Variants in CYP2J2 observed in about 807,000 individuals in gnomAD.
CYP2J2 encodes the protein cytochrome P450 2J2.
A neutral mutation model predicts 48.8 loss-of-function variants in CYP2J2; 41 were observed. The ratio of observed to expected loss-of-function variants is 0.84; its 90% confidence interval spans 0.66 to 1.09. The LOEUF (loss-of-function observed/expected upper bound fraction) is 1.09. Ranked by LOEUF, CYP2J2 falls within the 50% of genes least tolerant of loss-of-function variation. The pLI, the probability that CYP2J2 is intolerant of heterozygous loss-of-function variation, is 0.00. For synonymous variants in CYP2J2, 221 were observed against 227.1 expected (o/e 0.97, Z 0.24); for missense variants, 644 against 617.3 (o/e 1.04, Z -0.46).
chr1:59,919,692 C>G (rs1644497108), intron 1 of CYP2J2, among the ~76,000 whole-genome samples: 2 of 152,206 alleles, frequency 1.3e-5, no homozygotes, highest in Non-Finnish European at 2.9e-5. Flanking sequence ...GACCTGATCT[C>G]TAGTAAACAC....
chr1:59,935,513 C>T, the CYP2J2 span, among the ~76,000 whole-genome samples: 1 of 152,056 alleles, frequency 6.6e-6, no homozygotes, highest in African/African-American at 2.4e-5. Flanking sequence ...TCACATTGTT[C>T]ACCTTGAATA....
At chr1:59,968,988 G>C in the CYP2J2 span, among the ~76,000 whole-genome samples, 2 of 152,186 alleles carry the variant, frequency 1.3e-5, no homozygotes, top group Non-Finnish European at 2.9e-5. Flanking sequence ...TGAAGCTGCA[G>C]ACTTTCGCCG....
chr1:59,922,115 T>A (rs1574261813), intron 1 of CYP2J2, among the ~76,000 whole-genome samples: 1 of 152,204 alleles, frequency 6.6e-6, no homozygotes. Context: ...CTTTTATTTC[T>A]CGACCTGCCG....
chr1:59,926,203 G>A (rs574140439), intron 1 of CYP2J2, among the ~76,000 whole-genome samples: 10 of 152,238 alleles, frequency 6.6e-5, no homozygotes, highest in Admixed American at 1.3e-4. Flanking sequence ...GGGAAATGAA[G>A]TTTCTCAGAA....
the CYP2J2 span, among the ~76,000 whole-genome samples, chr1:59,945,501 G>A: frequency 6.6e-6 from 1 of 151,584 alleles, no homozygotes; most frequent in Non-Finnish European, 1.5e-5. Context: ...ACTATTTGGG[G>A]CCTCCATGGG....
At chr1:59,965,551 C>G in the CYP2J2 span, among the ~76,000 whole-genome samples, 1 of 152,216 alleles carries the variant, frequency 6.6e-6, no homozygotes, top group African/African-American at 2.4e-5. Flanking sequence ...TACCCCTTTC[C>G]TGCACTTGCT....
chr1:59,916,559 C>A (rs542308527), intron 1 of CYP2J2, among the ~76,000 whole-genome samples: 2 of 152,110 alleles, frequency 1.3e-5, no homozygotes, highest in Non-Finnish European at 2.9e-5. Context: ...CATAGTGAGA[C>A]CCTGTCTTTA....
At chr1:59,950,950 C>T in the CYP2J2 span, among the ~76,000 whole-genome samples, 115 of 151,892 alleles carry the variant, frequency 7.6e-4, 3 homozygotes, top group East Asian at 0.02. Flanking sequence ...AGGCCTGAGC[C>T]TGGACCAGCA....
rs1644417774 is a variant in CYP2J2, at chr1:59,911,745, T to C, written c.547A>G (p.Lys183Glu). The change falls in exon 4 of 9, where the codon AAG (lysine) becomes GAG (glutamate). Residue 183 changes from lysine (K) to glutamate (E), a missense_variant. By Grantham distance (56) the Lys-to-Glu change is moderately conservative (BLOSUM62 1). Coordinates refer to ENST00000371204, the MANE Select transcript of CYP2J2 (RefSeq NM_000775.4). The stretch of plus-strand genomic sequence containing the variant: ...ATATTGGAAACTGCATTGTTGATCT[T>C]GAAATGAGGGTCAAAAGGCTGTCCT... ...ENGQPFDPHF[K>E]INNAVSNIIC... The C allele has an allele frequency of 1.9e-6, 3 of 1,613,188 alleles. No individual in the cohort carries two copies. The highest frequency in any genetic ancestry group is 1.7e-5 in the Admixed American group (1 of 59,930).
In CYP2J2 at chr1:59,904,984, G is replaced by C. The variant is rs752733359; in HGVS notation, c.1078C>G (p.Pro360Ala). 3 of 1,613,850 alleles carry C rather than the reference G, an allele frequency of 1.9e-6. No individual in the cohort carries two copies. In the Admixed American group the frequency reaches 5.0e-5, roughly 27 times the overall value. Reference protein sequence around the residue: ...QPSTAARESMPYTNAVIHEVQ... With the variant: ...QPSTAARESMAYTNAVIHEVQ... ...TCATGGATGACAGCATTGGTGTAGGGCATGGACTCCCGGGCGGCTGTGCTC... is the reference window on the plus strand; with the variant it reads ...TCATGGATGACAGCATTGGTGTAGGCCATGGACTCCCGGGCGGCTGTGCTC... The change falls in exon 7 of 9, where the codon CCC becomes GCC. Residue 360 changes from proline (P) to alanine (A), a missense_variant. Coordinates refer to ENST00000371204, the MANE Select transcript of CYP2J2 (RefSeq NM_000775.4).
the CYP2J2 span, among the ~76,000 whole-genome samples, chr1:59,939,268 TA>T: frequency 3.9e-5 from 6 of 152,324 alleles, no homozygotes; most frequent in Non-Finnish European, 5.9e-5. Context: ...TTAGATGTTG[TA>T]ATTGTAGCTG....
chr1:59,961,538 T>C, the CYP2J2 span, among the ~76,000 whole-genome samples: 17 of 152,270 alleles, frequency 1.1e-4, no homozygotes, highest in African/African-American at 4.1e-4. Flanking sequence ...TGAAAAATGG[T>C]GAAGCCATTT....
At chr1:59,964,211 G>A in the CYP2J2 span, among the ~76,000 whole-genome samples, 1 of 152,298 alleles carries the variant, frequency 6.6e-6, no homozygotes, top group Non-Finnish European at 1.5e-5. Flanking sequence ...AATTTGGATA[G>A]AGAATAGGGT....
intron 8 of CYP2J2, among the ~76,000 whole-genome samples, chr1:59,896,702 T>C (rs1403929243): frequency 6.6e-6 from 1 of 152,012 alleles, no homozygotes; most frequent in Non-Finnish European, 1.5e-5. Flanking sequence ...TACCACCATC[T>C]CTATTGTGTG....
intron 8 of CYP2J2, among the ~76,000 whole-genome samples, chr1:59,895,892 C>T (rs1644264717): frequency 6.6e-6 from 1 of 152,134 alleles, no homozygotes; most frequent in Non-Finnish European, 1.5e-5. Context: ...TGCTCCCCTC[C>T]CCATTTATTT....
intron 2 of CYP2J2, among the ~76,000 whole-genome samples, chr1:59,913,569 G>T (rs1047740126): frequency 6.6e-6 from 1 of 152,094 alleles, no homozygotes; most frequent in Admixed American, 6.5e-5. Context: ...CCATTTGAGT[G>T]TCACCTCAAC....
At chr1:59,916,673 C>A (rs1559077840) in intron 1 of CYP2J2, among the ~76,000 whole-genome samples, 1 of 152,096 alleles carries the variant, frequency 6.6e-6, no homozygotes, top group Non-Finnish European at 1.5e-5. Context: ...TTTGAGCCTG[C>A]AATGAGCCAT....
In CYP2J2 at chr1:59,911,641, T is replaced by C. The variant is rs374991844; in HGVS notation, c.651A>G (p.Glu217=). 3.1e-6 allele frequency: 5 copies of C among 1,612,754 alleles called. No homozygotes were observed. The African/African-American group carries it at 6.7e-5, about 22-fold the overall frequency. Residue 217 remains glutamate (E), a synonymous_variant, in exon 4 of 9, where the codon GAA becomes GAG. Transcript: ENST00000371204. ...WFQQLLKLLD[E]VTYLEASKTC... is the part of the protein sequence containing the mutation. ...TCTTTGAAGCCTCCAAGTATGTGAC[T>C]TCATCTAGTAACTTCAGCAGCTGCT...
chr1:59,957,689 C>G, the CYP2J2 span, among the ~76,000 whole-genome samples: 61 of 149,472 alleles, frequency 4.1e-4, no homozygotes, highest in African/African-American at 1.3e-3. Flanking sequence ...CAGACACACA[C>G]ACACACACAC....
Sources: allele counts gnomAD v4.1 joint callset (sites outside exome capture counted in the v4.1 genomes callset), GRCh38; gene constraint gnomAD v4.1.1; transcripts MANE v1.5; gene names NCBI Gene and HGNC (gene_info 2026-07-23, HGNC 2026-07-21).